Variants in NPAS3 observed in about 807,000 individuals in gnomAD.
NPAS3 encodes the protein neuronal PAS domain protein 3, also known as neuronal PAS domain-containing protein 3.
In NPAS3, 14 loss-of-function variants were observed where a neutral mutation model predicts 73.1. The observed-to-expected ratio is 0.19, with a 90% CI of 0.13 to 0.30. NPAS3 has a LOEUF of 0.30. Ranked by LOEUF, NPAS3 falls within the 10% of genes least tolerant of loss-of-function variation. NPAS3 has a pLI of 1.00. For missense variants in NPAS3, 1,096 were observed against 1,250.0 expected (o/e 0.88, Z 1.86); for synonymous variants, 620 against 541.5 (o/e 1.14, Z -2.01).
intron 2 of NPAS3, among the ~76,000 whole-genome samples, chr14:33,069,287 T>C (rs2041396927): frequency 6.6e-6 from 1 of 152,214 alleles, no homozygotes; most frequent in African/African-American, 2.4e-5. Flanking sequence ...AACTTAGAGA[T>C]GAAGCATGAC....
intron 4 of NPAS3, among the ~76,000 whole-genome samples, chr14:33,458,105 TGGCCTGCCC>T (rs1293954612): frequency 6.6e-6 from 1 of 152,230 alleles, no homozygotes; most frequent in Non-Finnish European, 1.5e-5. Flanking sequence ...AAGACCACCC[TGGCCTGCCC>T]GGTTGTCCAA....
intron 4 of NPAS3, among the ~76,000 whole-genome samples, chr14:33,498,935 A>AGAGTGTGTGT (rs1335110760): frequency 5.3e-5 from 5 of 94,904 alleles, no homozygotes; most frequent in Non-Finnish European, 6.5e-5. Flanking sequence ...ACAGAGAGAG[A>AGAGTGTGTGT]GTGTGTGTGT....
In NPAS3 at chr14:33,260,216, T is replaced by C. The variant is rs200416942; in HGVS notation, c.385+44790T>C. Among the ~76,000 whole-genome samples the C allele has an allele frequency of 5.3e-5, 8 of 152,298 alleles. No individual in the cohort carries two copies. The East Asian group carries it at 1.5e-3, about 29-fold the overall frequency. ...AGATGAGATTCTTAGATCCTTATGT[T>C]TGTACCTTGATAGAGTAAACTTAGA... is the stretch of plus-strand genomic sequence containing the variant. On this transcript the variant is annotated intron_variant, in intron 3 of 11. Coordinates refer to ENST00000356141, the Ensembl canonical transcript of NPAS3.
At chr14:32,938,497 G>GAGAGAGAGAGAGAGAGAGAGAA, upstream of NPAS3, among the ~76,000 whole-genome samples, 1 of 108,462 alleles carries the variant, frequency 9.2e-6, no homozygotes, top group African/African-American at 4.1e-5. Flanking sequence ...GAGAGAGAGA[G>GAGAGAGAGAGAGAGAGAGAGAA]AGAGAGAGAG....
chr14:33,643,013 C>A (rs1009268489), intron 5 of NPAS3, among the ~76,000 whole-genome samples: 1 of 152,136 alleles, frequency 6.6e-6, no homozygotes, highest in African/African-American at 2.4e-5. Flanking sequence ...GTCATCTCCT[C>A]TCGCAATAAT....
At chr14:33,777,798 G>A (rs533658639) in intron 8 of NPAS3, among the ~76,000 whole-genome samples, 21 of 152,260 alleles carry the variant, frequency 1.4e-4, no homozygotes, top group African/African-American at 4.6e-4. Context: ...TTACACACAC[G>A]TACTGTCGAG....
chr14:33,697,373 C>T (rs949927048), intron 6 of NPAS3, among the ~76,000 whole-genome samples: 20 of 152,228 alleles, frequency 1.3e-4, no homozygotes, highest in African/African-American at 4.6e-4. Context: ...AACTTTTGTT[C>T]TTGATTAGGA....
At chr14:33,366,269 T>C (rs761544934) in intron 3 of NPAS3, among the ~76,000 whole-genome samples, 3 of 151,894 alleles carry the variant, frequency 2.0e-5, no homozygotes, top group African/African-American at 4.8e-5. Context: ...TTAAATTTTT[T>C]TAAAAAAAGA....
Position 33,390,888 on chromosome 14 carries a change from C to T in NPAS3, c.468+23620C>T, listed in dbSNP as rs369621433. ...TCAAAATTAAAATAGGTGTATCCTG[C>T]CCATGTTTGATAATTTAGAAACTTC... On this transcript the variant is annotated intron_variant, in intron 4 of 11. Coordinates refer to ENST00000356141, the Ensembl canonical transcript of NPAS3. Among the ~76,000 whole-genome samples the T allele has an allele frequency of 7.2e-4, 110 of 152,024 alleles. 1 individual carries two copies. In the South Asian group the frequency reaches 0.022, roughly 30 times the overall value.
At chr14:33,195,594 A>G (rs2046324112) in intron 2 of NPAS3, among the ~76,000 whole-genome samples, 1 of 152,234 alleles carries the variant, frequency 6.6e-6, no homozygotes, top group Non-Finnish European at 1.5e-5. Context: ...TTTAATGTTT[A>G]AAACAGAGCT....
intron 4 of NPAS3, among the ~76,000 whole-genome samples, chr14:33,441,110 A>G (rs1336861500): frequency 1.3e-5 from 2 of 152,236 alleles, no homozygotes; most frequent in Non-Finnish European, 2.9e-5. Flanking sequence ...TTCAATGTGC[A>G]CCAGAAGATT....
chr14:33,644,585 CT>C (rs962166546), intron 5 of NPAS3, among the ~76,000 whole-genome samples: 1 of 152,128 alleles, frequency 6.6e-6, no homozygotes, highest in African/African-American at 2.4e-5. Flanking sequence ...GTAGTGTCAT[CT>C]TTATTTCATA....
At chr14:33,598,638 T>C (rs2057314204) in intron 5 of NPAS3, among the ~76,000 whole-genome samples, 1 of 152,248 alleles carries the variant, frequency 6.6e-6, no homozygotes. Context: ...TTTTTGGTGC[T>C]GGGACTTTAT....
chr14:33,393,218 G>A (rs941320487), intron 4 of NPAS3, among the ~76,000 whole-genome samples: 3 of 152,116 alleles, frequency 2.0e-5, no homozygotes, highest in Non-Finnish European at 4.4e-5. Context: ...TACTTAATTT[G>A]GGGAGCATTG....
intron 2 of NPAS3, among the ~76,000 whole-genome samples, chr14:33,128,693 T>C (rs1214708316): frequency 6.6e-6 from 1 of 152,174 alleles, no homozygotes; most frequent in Non-Finnish European, 1.5e-5. Flanking sequence ...CGAGCCAGTA[T>C]TGTATACTCA....
chr14:33,569,174 G>A (rs148620920), intron 5 of NPAS3, among the ~76,000 whole-genome samples: 2 of 152,314 alleles, frequency 1.3e-5, no homozygotes, highest in Admixed American at 6.5e-5. Flanking sequence ...GGCTCCTACA[G>A]CTGCAAATTC....
rs189511208 is a variant in NPAS3, at chr14:33,134,683, C to A, written c.140+78689C>A. ...CACCTCTGCCTACTGAAGTGGGCAA[C>A]AAGATGGACCCATGAAGCTTTGTTT... On this transcript the variant is annotated intron_variant, in intron 2 of 11. Coordinates refer to ENST00000356141, the Ensembl canonical transcript of NPAS3. Among the ~76,000 whole-genome samples the A allele has an allele frequency of 6.0e-3, 921 of 152,238 alleles. 2 individuals are homozygous for A. The highest frequency in any genetic ancestry group is 9.0e-3 in the Non-Finnish European group (611 of 68,016).
intron 4 of NPAS3, among the ~76,000 whole-genome samples, chr14:33,534,634 G>A (rs747311050): frequency 3.9e-5 from 6 of 152,160 alleles, no homozygotes; most frequent in Non-Finnish European, 8.8e-5. Context: ...GGAATCTTTT[G>A]TGAATTTCTT....
At chr14:33,682,592 T>G (rs1440603765) in intron 6 of NPAS3, among the ~76,000 whole-genome samples, 1 of 152,222 alleles carries the variant, frequency 6.6e-6, no homozygotes, top group Admixed American at 6.5e-5. Flanking sequence ...AGTACCATTT[T>G]TTCATGAGCG....
Sources: allele counts gnomAD v4.1 joint callset (sites outside exome capture counted in the v4.1 genomes callset), GRCh38; gene constraint gnomAD v4.1.1; transcripts MANE v1.5; gene names NCBI Gene and HGNC (gene_info 2026-07-23, HGNC 2026-07-21).